Variants in LTBP1 observed in about 807,000 individuals in gnomAD.
LTBP1 encodes latent transforming growth factor beta binding protein 1, also known as latent-transforming growth factor beta-binding protein 1.
A neutral mutation model predicts 207.6 loss-of-function variants in LTBP1; 129 were observed. The ratio of observed to expected loss-of-function variants is 0.62; its 90% CI spans 0.54 to 0.72. LTBP1 has a LOEUF of 0.72. LTBP1 is among the 30% of genes least tolerant of loss of function. The pLI is 0.00. For synonymous variants in LTBP1, 963 were observed against 833.7 expected (o/e 1.16, Z -2.67); for missense variants, 2,281 against 2,217.2 (o/e 1.03, Z -0.58).
At chr2:33,274,459 G>A (rs1389254685) in intron 16 of LTBP1, among the ~76,000 whole-genome samples, 1 of 152,034 alleles carries the variant, frequency 6.6e-6, no homozygotes, top group Non-Finnish European at 1.5e-5. Flanking sequence ...TGGTGTGTGT[G>A]TATGGGGGAG....
chr2:32,980,637 T>G (rs912243505), intron 2 of LTBP1, among the ~76,000 whole-genome samples: 1 of 152,186 alleles, frequency 6.6e-6, no homozygotes, highest in African/African-American at 2.4e-5. Flanking sequence ...ACAATTACAG[T>G]GTTATAACAT....
intron 3 of LTBP1, among the ~76,000 whole-genome samples, chr2:33,027,983 C>T (rs999586588): frequency 6.6e-6 from 1 of 152,168 alleles, no homozygotes; most frequent in Non-Finnish European, 1.5e-5. Flanking sequence ...ATTGGTCAGA[C>T]CTATTTTGTT....
chr2:33,230,926 G>A (rs965675169), intron 9 of LTBP1, among the ~76,000 whole-genome samples: 1 of 151,050 alleles, frequency 6.6e-6, no homozygotes, highest in Non-Finnish European at 1.5e-5. Flanking sequence ...ACCTCAGTAC[G>A]TGCTGAATGT....
intron 5 of LTBP1, among the ~76,000 whole-genome samples, chr2:33,151,951 G>C (rs1263037298): frequency 2.0e-5 from 3 of 151,726 alleles, no homozygotes; most frequent in African/African-American, 7.3e-5. Context: ...GTTGTGACTT[G>C]TGCTGCTATA....
At chr2:33,078,203 A>G (rs2078188284) in intron 3 of LTBP1, among the ~76,000 whole-genome samples, 1 of 152,242 alleles carries the variant, frequency 6.6e-6, no homozygotes, top group South Asian at 2.1e-4. Flanking sequence ...TTAATCACAG[A>G]GCCAATATTA....
intron 25 of LTBP1, among the ~76,000 whole-genome samples, chr2:33,345,540 T>G (rs1257143991): frequency 6.6e-6 from 1 of 152,268 alleles, no homozygotes; most frequent in Non-Finnish European, 1.5e-5. Context: ...TGGCAATTTC[T>G]TAAGTTTTTC....
intron 31 of LTBP1, among the ~76,000 whole-genome samples, chr2:33,387,030 A>G (rs1434497248): frequency 2.0e-5 from 3 of 151,992 alleles, no homozygotes; most frequent in East Asian, 1.9e-4. Context: ...GGGTTTCACC[A>G]TGTTGGCCAG....
intron 31 of LTBP1, among the ~76,000 whole-genome samples, chr2:33,384,117 G>A (rs994679064): frequency 6.6e-6 from 1 of 152,204 alleles, no homozygotes; most frequent in African/African-American, 2.4e-5. Flanking sequence ...ATTTCTTATA[G>A]TAAGGATATG....
chr2:33,397,110 A>G (rs1162082904), intron 32 of LTBP1, 23 bp from the exon 33 acceptor site: 1 of 1,608,864 alleles, frequency 6.2e-7, no homozygotes, highest in East Asian at 2.2e-5. Context: ...GCTCTAACTT[A>G]GCTTCTGCCC....
intron 24 of LTBP1, among the ~76,000 whole-genome samples, chr2:33,328,282 C>T (rs1414787557): frequency 2.6e-5 from 4 of 152,100 alleles, no homozygotes; most frequent in African/African-American, 7.2e-5. Flanking sequence ...CAAACTTCCT[C>T]GTGATTATTC....
At chr2:33,291,745 G>T (rs1408403836) in intron 19 of LTBP1, 1 of 152,248 alleles carries the variant, frequency 6.6e-6, no homozygotes, top group East Asian at 1.9e-4. Flanking sequence ...TCACAGATAC[G>T]TGTTTGCCAC....
intron 23 of LTBP1, among the ~76,000 whole-genome samples, chr2:33,312,227 A>G (rs191997225): frequency 6.6e-6 from 1 of 152,316 alleles, no homozygotes; most frequent in East Asian, 1.9e-4. Flanking sequence ...TGAAAATGTA[A>G]TTGATGGCAA....
At chr2:33,059,642 G>A (rs1218154684) in intron 3 of LTBP1, among the ~76,000 whole-genome samples, 1 of 152,102 alleles carries the variant, frequency 6.6e-6, no homozygotes, top group Non-Finnish European at 1.5e-5. Context: ...GAAATACAGG[G>A]GGTCAGATTC....
chr2:33,244,559 A>G (rs908247667), intron 10 of LTBP1, among the ~76,000 whole-genome samples: 10 of 152,220 alleles, frequency 6.6e-5, no homozygotes, highest in African/African-American at 2.2e-4. Flanking sequence ...TTTTAGGTGT[A>G]AAGTTCTCAA....
Position 33,188,778 on chromosome 2 carries a change from T to A in LTBP1, c.1628T>A (p.Val543Asp). 1 of 1,614,126 alleles carries A rather than the reference T, an allele frequency of 6.2e-7. No homozygotes were observed. Among genetic ancestry groups the A allele is most frequent in the Non-Finnish European group, 8.5e-7 (1 of 1,180,020 alleles). Residue 543 changes from valine to aspartate, a missense_variant, in exon 7 of 34, where the codon GTC (valine) becomes GAC (aspartate). Physicochemically the swap from Val to Asp is radical, Grantham distance 152. Around this residue, in one of 3 missense-constraint regions of LTBP1, gnomAD observed 1,671 missense variants for 1,634.8 expected, o/e 1.02. Coordinates refer to ENST00000404816, the MANE Select transcript of LTBP1 (RefSeq NM_206943.4). ...CATTCCACATACTCCCACCAGCAGGTCATTCCTCACGTCTACCCCGTGGCT... is the reference window on the plus strand; with the variant it reads ...CATTCCACATACTCCCACCAGCAGGACATTCCTCACGTCTACCCCGTGGCT... ...TIHSTYSHQQVIPHVYPVAAK... is the reference protein window; with the variant it reads ...TIHSTYSHQQDIPHVYPVAAK...
chr2:33,154,261 C>T (rs1041876981), intron 5 of LTBP1, among the ~76,000 whole-genome samples: 4 of 151,944 alleles, frequency 2.6e-5, no homozygotes, highest in Non-Finnish European at 5.9e-5. Flanking sequence ...TTAGGTTTTT[C>T]GAATATGTAA....
chr2:33,271,221 C>G (rs950062580), intron 15 of LTBP1, among the ~76,000 whole-genome samples: 4 of 152,080 alleles, frequency 2.6e-5, no homozygotes, highest in African/African-American at 9.7e-5. Flanking sequence ...ACTCATCAAG[C>G]TTTTCATGAA....
At chr2:33,142,655 G>T (rs887683147) in intron 5 of LTBP1, among the ~76,000 whole-genome samples, 2 of 152,092 alleles carry the variant, frequency 1.3e-5, no homozygotes, top group African/African-American at 4.8e-5. Flanking sequence ...GTGGGGCGGG[G>T]GGCAGAGTGG....
intron 9 of LTBP1, among the ~76,000 whole-genome samples, chr2:33,228,680 C>T (rs1290014706): frequency 8.2e-6 from 1 of 121,446 alleles, no homozygotes; most frequent in Non-Finnish European, 1.8e-5. Context: ...GTTAATAAGC[C>T]CAACCAGGGT....
Sources: gnomAD v4.1 joint callset for allele counts (sites outside exome capture counted in the v4.1 genomes callset) on GRCh38, gnomAD v4.1.1 for gene constraint, gnomAD v4.1.1 regional missense constraint, MANE v1.5 for transcripts, NCBI Gene and HGNC (gene_info 2026-07-23, HGNC 2026-07-21) for gene names.